The following EMX1 variants were observed in gnomAD, a reference collection of about 807,000 sequenced individuals.
EMX1 encodes the protein homeobox protein EMX1.
Under a neutral mutation model 20.1 loss-of-function variants are expected in EMX1, and 10 were observed. That is an observed-to-expected ratio of 0.50 (90% CI 0.31 to 0.84). The LOEUF (loss-of-function observed/expected upper bound fraction) is 0.84, where lower values mean the gene tolerates loss of function less well. Ranked by LOEUF, EMX1 falls within the 40% of genes least tolerant of loss-of-function variation. The pLI, the probability that EMX1 is intolerant of heterozygous loss-of-function variation, is 0.05. For missense variants in EMX1, 424 were observed against 431.9 expected, an observed-to-expected ratio of 0.98 and a Z score of 0.16; for synonymous variants, 250 against 200.4, an observed-to-expected ratio of 1.25 and a Z score of -2.09.
Position 72,933,877 on chromosome 2 carries a change from T to C in EMX1, c.796T>C (p.Ser266Pro), listed in dbSNP as rs546835038. The change falls in exon 3 of 3, where the codon TCC becomes CCC. Residue 266 changes from serine to proline, a missense_variant. Physicochemically the swap from Ser to Pro is moderately conservative, Grantham distance 74. This residue lies in a region of EMX1 where 91 missense variants were observed against 135.2 expected (regional missense o/e 0.67). Coordinates refer to ENST00000258106, the MANE Select transcript of EMX1 (RefSeq NM_004097.3). The part of the protein sequence containing the change: ...GPESEQKKKG[S>P]HHINRWRIAT... ...TGAGTCCGAGCAGAAGAAGAAGGGC[T>C]CCCATCACATCAACCGGTGGCGCAT... The C allele has an allele frequency of 6.2e-7, 1 of 1,614,194 alleles. No homozygotes were observed. The highest frequency in any genetic ancestry group is 8.5e-7 in the Non-Finnish European group (1 of 1,180,018).
At chr2:72,932,262 AT>A (rs1671298365) in intron 2 of EMX1, among the ~76,000 whole-genome samples, 1 of 152,188 alleles carries the variant, frequency 6.6e-6, no homozygotes, top group Admixed American at 6.5e-5. Context: ...ATGTGCTGTC[AT>A]TTCCTGGAAA....
At chr2:72,933,716 T>C (rs1671320655) in intron 2 of EMX1, 71 bp from the exon 3 acceptor site, 1 of 1,572,626 alleles carries the variant, frequency 6.4e-7, no homozygotes, top group Non-Finnish European at 8.6e-7. Context: ...TCAGCCTGAG[T>C]GTTGAGGCCC....
chr2:72,934,441 T>C lies in EMX1; in HGVS notation c.*487T>C. 6.4e-6 allele frequency: 1 copy of C among 155,486 alleles called. No individual in the cohort carries two copies. Among genetic ancestry groups the C allele is most frequent in the Non-Finnish European group, 1.4e-5 (1 of 70,288 alleles). The allele number at this position is 155,486 out of a possible 1,614,324, so 9.6% of individuals were successfully genotyped here. A position where few individuals can be genotyped will look rare whatever the true frequency, so the allele number is the denominator to read the frequency against. On this transcript the variant is annotated 3_prime_UTR_variant, in exon 3 of 3. Coordinates refer to ENST00000258106, the MANE Select transcript of EMX1 (RefSeq NM_004097.3). ...TGGTAGAGCAAACGCGTTCAGGGCC[T>C]GGGAGCCTGGGGTGGGGTACTGGTG...
chr2:72,924,969 G>C (rs1434511707), intron 2 of EMX1, among the ~76,000 whole-genome samples: 8 of 152,274 alleles, frequency 5.3e-5, no homozygotes, highest in Non-Finnish European at 1.2e-4. Context: ...AAACTGGCGG[G>C]GCCTTGGCTG....
At chr2:72,918,472 T>C (rs1671037859) in intron 1 of EMX1, 100 bp downstream of exon 1, 2 of 1,310,836 alleles carry the variant, frequency 1.5e-6, no homozygotes, top group Admixed American at 4.1e-5. Flanking sequence ...TAGAAGTTAC[T>C]GCCGGGAAGG....
intron 2 of EMX1, chr2:72,925,325 A>G: frequency 9.0e-7 from 1 of 1,109,628 alleles, no homozygotes. Flanking sequence ...TTAAGGGAAA[A>G]AATTAAAGAA....
At chr2:72,924,053 C>G (rs549250000) in intron 1 of EMX1, 1 of 592,918 alleles carries the variant, frequency 1.7e-6, no homozygotes, top group East Asian at 2.8e-5. Flanking sequence ...ACAGAGGGAT[C>G]TGGAGAGCTG....
intron 1 of EMX1, among the ~76,000 whole-genome samples, chr2:72,919,995 G>A (rs1198336027): frequency 1.3e-5 from 2 of 152,166 alleles, no homozygotes; most frequent in Non-Finnish European, 2.9e-5. Context: ...CGCCGCGGCC[G>A]AGGGGCTGGC....
At chr2:72,916,991 GT>G, upstream of EMX1, 1 of 706,420 alleles carries the variant, frequency 1.4e-6, no homozygotes, top group Non-Finnish European at 2.6e-6. Flanking sequence ...GCTGTCCCCC[GT>G]GACATCCAGA....
At chr2:72,932,132 T>C (rs1214394809) in intron 2 of EMX1, among the ~76,000 whole-genome samples, 2 of 152,126 alleles carry the variant, frequency 1.3e-5, no homozygotes, top group Admixed American at 1.3e-4. Flanking sequence ...GGTTCAAGGA[T>C]CTCTCCTCAG....
chr2:72,920,340 T>G (rs1399739725), intron 1 of EMX1, among the ~76,000 whole-genome samples: 1 of 152,222 alleles, frequency 6.6e-6, no homozygotes, highest in Non-Finnish European at 1.5e-5. Context: ...GTTGGATTTT[T>G]CCCTCAAGAA....
chr2:72,933,588 TC>T, intron 2 of EMX1, 198 bp from the exon 3 acceptor site: 1 of 620,258 alleles, frequency 1.6e-6, no homozygotes. Flanking sequence ...TGTGTCCTCT[TC>T]CTGCCCTGCC....
chr2:72,918,582 G>A lies in EMX1; in HGVS notation c.520+210G>A, dbSNP rs906574092. Among the ~76,000 whole-genome samples, 5 of 152,394 alleles carry A rather than the reference G, an allele frequency of 3.3e-5. No homozygotes were observed. In the South Asian group the frequency reaches 1.0e-3, roughly 32 times the overall value. ...TCTCCCTCCCAGGAAAGCAGGTGGA[G>A]ACCTCCAGGCTTTTCTAGAAAATAT... On this transcript the variant is annotated intron_variant, in intron 1 of 2. Coordinates refer to ENST00000258106, the MANE Select transcript of EMX1 (RefSeq NM_004097.3).
chr2:72,927,969 G>A (rs1413257922), intron 2 of EMX1, among the ~76,000 whole-genome samples: 1 of 152,152 alleles, frequency 6.6e-6, no homozygotes, highest in African/African-American at 2.4e-5. Flanking sequence ...GCATATACCA[G>A]TTTGTGGATA....
intron 1 of EMX1, among the ~76,000 whole-genome samples, chr2:72,923,190 C>T (rs979358041): frequency 6.6e-6 from 1 of 152,114 alleles, no homozygotes; most frequent in African/African-American, 2.4e-5. Context: ...CAGTGTTATC[C>T]CTTCCTCCTG....
At position 72,921,541 on chromosome 2, in the gene EMX1, T is replaced by C. The variant is rs1671104750; in HGVS notation, c.521-2768T>C. Among the ~76,000 whole-genome samples, 2 of 152,190 alleles carry C rather than the reference T, an allele frequency of 1.3e-5. 1 individual carries two copies. Among genetic ancestry groups the C allele is most frequent in the South Asian group, 4.1e-4 (2 of 4,824 alleles). On this transcript the variant is annotated intron_variant, in intron 1 of 2. Coordinates refer to ENST00000258106, the MANE Select transcript of EMX1 (RefSeq NM_004097.3). ...TCACCCTTGTCTTTGCAGAAACATG[T>C]AGCAATTGATCTGTTTCTCAGGATG...
upstream of EMX1, chr2:72,916,957 G>C: frequency 1.4e-6 from 1 of 716,984 alleles, no homozygotes; most frequent in Non-Finnish European, 2.6e-6. Context: ...CCCTTGTGAA[G>C]GGAGTGAGCG....
chr2:72,926,324 A>G, intron 2 of EMX1: 1 of 977,534 alleles, frequency 1.0e-6, no homozygotes. Flanking sequence ...CATTTTTATT[A>G]TGAGACATTT....
upstream of EMX1, chr2:72,916,445 G>A (rs1670963364): frequency 1.8e-6 from 1 of 558,328 alleles, no homozygotes; most frequent in Non-Finnish European, 3.2e-6. Flanking sequence ...ACCGCCGCCC[G>A]CGCCCTCCTA....
Sources: allele counts gnomAD v4.1 joint callset (sites outside exome capture counted in the v4.1 genomes callset), GRCh38; gene constraint gnomAD v4.1.1; regional missense constraint gnomAD v4.1.1; transcripts MANE v1.5; gene names NCBI Gene and HGNC (gene_info 2026-07-23, HGNC 2026-07-21).